The following MFSD12 variants were observed in gnomAD, a reference collection of about 807,000 sequenced individuals.
MFSD12 encodes major facilitator superfamily domain-containing protein 12.
In MFSD12, 67 loss-of-function variants were observed where a neutral mutation model predicts 51.2. The observed-to-expected ratio is 1.31, with a 90% CI of 1.08 to 1.60. MFSD12 has a LOEUF of 1.60. MFSD12 is among the 40% of genes most tolerant of loss of function. MFSD12 has a pLI of 0.00. For missense variants in MFSD12, 921 were observed against 673.0 expected (o/e 1.37, Z -4.08); for synonymous variants, 441 against 316.7 (o/e 1.39, Z -4.17).
rs964038914 is a variant in MFSD12, at chr19:3,545,991, C to T, written c.1289+83G>A. 6.9e-6 allele frequency: 10 copies of T among 1,454,396 alleles called. 1 individual carries two copies. The Admixed American group carries it at 8.4e-5, about 12-fold the overall frequency. The allele number at this position is 1,454,396 out of a possible 1,614,324, so 90.1% of individuals were successfully genotyped here. A position where few individuals can be genotyped will look rare whatever the true frequency, so the allele number is the denominator to read the frequency against. The stretch of plus-strand genomic sequence containing the variant: ...TTTGGTCCACAGCTGGATGCCCAGA[C>T]CCAGAACACTGCTGGACACACAGCA... On this transcript the variant is annotated intron_variant, in intron 8 of 9. Coordinates refer to ENST00000355415, the MANE Select transcript of MFSD12 (RefSeq NM_174983.5).
At chr19:3,544,013 G>A (rs764787534), downstream of MFSD12, 4 of 1,533,378 alleles carry the variant, frequency 2.6e-6, no homozygotes, top group Non-Finnish European at 3.5e-6. Context: ...CCCGATAAAG[G>A]CATGCTACCA....
At chr19:3,544,020 ACCAGGATGCAC>A, downstream of MFSD12, 1 of 1,525,798 alleles carries the variant, frequency 6.6e-7, no homozygotes, top group Non-Finnish European at 8.8e-7. Context: ...AAGGCATGCT[ACCAGGATGCAC>A]CCACTGTCTC....
downstream of MFSD12, chr19:3,544,039 C>G (rs1199742414): frequency 9.3e-6 from 14 of 1,506,528 alleles, no homozygotes; most frequent in Non-Finnish European, 1.3e-5. Flanking sequence ...CACCCACTGT[C>G]TCTGCACCCA....
Position 3,551,693 on chromosome 19 carries a change from G to C in MFSD12, c.299-499C>G, listed in dbSNP as rs1208954620. On this transcript the variant is annotated intron_variant, in intron 1 of 9. Coordinates refer to ENST00000355415, the MANE Select transcript of MFSD12 (RefSeq NM_174983.5). The surrounding 1 kb of genome is among the most constrained non-coding windows in gnomAD (Gnocchi z 4.6). ...TAGCACCCGCCCCCACCTGAGATCT[G>C]CGGTGGCAAGGCCTGGCTCTTCACA... is the stretch of plus-strand genomic sequence containing the variant. 6.6e-6 allele frequency among the ~76,000 whole-genome samples: 1 copy of C among 152,142 alleles called. No homozygotes were observed. Among genetic ancestry groups the C allele is most frequent in the East Asian group, 1.9e-4 (1 of 5,184 alleles).
At chr19:3,543,005 T>C, downstream of MFSD12, 1 of 1,599,432 alleles carries the variant, frequency 6.3e-7, no homozygotes, top group African/African-American at 1.3e-5. Context: ...TAGTGCTGAC[T>C]TGGGTGCTTG....
intron 1 of MFSD12, among the ~76,000 whole-genome samples, chr19:3,553,056 G>A (rs1250003962): frequency 6.6e-6 from 1 of 152,146 alleles, no homozygotes; most frequent in Admixed American, 6.5e-5. Context: ...ACTGGAATTG[G>A]GAAGTGAAAC....
At chr19:3,550,483 C>T (rs1372083744) in intron 2 of MFSD12, among the ~76,000 whole-genome samples, 1 of 152,076 alleles carries the variant, frequency 6.6e-6, no homozygotes, top group East Asian at 1.9e-4. Flanking sequence ...GCTCCACCTC[C>T]CGGGTTCACA....
In MFSD12 at chr19:3,551,627, G is replaced by A. The variant is rs1219556557; in HGVS notation, c.299-433C>T. ...TCAGCTCCTAAGGTGACCACTCCCTGGAATGCTGGGGCGTCCTGGCCTCCA... is the reference window on the plus strand; with the variant it reads ...TCAGCTCCTAAGGTGACCACTCCCTAGAATGCTGGGGCGTCCTGGCCTCCA... On this transcript the variant is annotated intron_variant, in intron 1 of 9. Transcript: ENST00000355415. This position sits in a 1 kb window ranked among gnomAD's most constrained non-coding sequence, Gnocchi z 4.6. Among the ~76,000 whole-genome samples, 1 of 152,122 alleles carries A rather than the reference G, an allele frequency of 6.6e-6. No homozygotes were observed. The highest frequency in any genetic ancestry group is 1.5e-5 in the Non-Finnish European group (1 of 68,006).
chr19:3,551,096 G>A lies in MFSD12; in HGVS notation c.397C>T (p.Pro133Ser), dbSNP rs897886054. Residue 133 changes from proline to serine, a missense_variant, in exon 2 of 10, where the codon CCG becomes TCG. Pro to Ser is a moderately conservative substitution (Grantham distance 74). Coordinates refer to ENST00000355415, the MANE Select transcript of MFSD12 (RefSeq NM_174983.5). The surrounding 1 kb of genome is among the most constrained non-coding windows in gnomAD (Gnocchi z 4.6). ...CCAAACTGGAAGATCACGATGAACG[G>A]GCCGTAGTAGAGGAGGGCAGCCCAC... Reference protein sequence around the residue: ...PEWAALLYYGPFIVIFQFGWA... With the variant: ...PEWAALLYYGSFIVIFQFGWA... 6 of 1,613,030 alleles carry A rather than the reference G, an allele frequency of 3.7e-6. No homozygotes were observed. Among genetic ancestry groups the A allele is most frequent in the Non-Finnish European group, 5.1e-6 (6 of 1,179,998 alleles).
At chr19:3,543,287 G>A, downstream of MFSD12, 1 of 1,548,294 alleles carries the variant, frequency 6.5e-7, no homozygotes, top group Non-Finnish European at 8.7e-7. Context: ...CATCAGGCAG[G>A]CCACACGCTG....
At position 3,544,945 on chromosome 19, in the gene MFSD12, G is replaced by A. The variant is rs372390192; in HGVS notation, c.1290-6C>T. 2.2e-5 allele frequency: 35 copies of A among 1,602,770 alleles called. No individual in the cohort carries two copies. The highest frequency in any genetic ancestry group is 3.0e-5 in the Non-Finnish European group (35 of 1,176,458). The stretch of plus-strand genomic sequence containing the variant: ...CCCTGCAGCAGAGCTCTGAGCTGTG[G>A]GAGGAGGCGGGGGATGAGTAGGCAC... On this transcript the variant is annotated splice_region_variant and splice_polypyrimidine_tract_variant and intron_variant, in intron 8 of 9. Coordinates refer to ENST00000355415, the MANE Select transcript of MFSD12 (RefSeq NM_174983.5).
chr19:3,552,237 G>A (rs1228285794), intron 1 of MFSD12, among the ~76,000 whole-genome samples: 15 of 148,010 alleles, frequency 1.0e-4, no homozygotes, highest in South Asian at 2.2e-4. Flanking sequence ...GCGAGATCTC[G>A]GCTCGCTGCA....
rs368048614 is a variant in MFSD12 at position 3,547,383 on chromosome 19, G to C, written c.931-19C>G. On this transcript the variant is annotated intron_variant, in intron 5 of 9. Coordinates refer to ENST00000355415, the MANE Select transcript of MFSD12 (RefSeq NM_174983.5). Reference sequence around the variant, plus strand: ...TGAACTTCTGCGGAGGCAGAGCCAGGCATGCCGTGTCAGTCATGGCTCGCC... The same window carrying C: ...TGAACTTCTGCGGAGGCAGAGCCAGCCATGCCGTGTCAGTCATGGCTCGCC... 4 of 1,612,790 alleles carry C rather than the reference G, an allele frequency of 2.5e-6. No homozygotes were observed. The highest frequency in any genetic ancestry group is 3.4e-6 in the Non-Finnish European group (4 of 1,179,562).
chr19:3,543,973 A>G, downstream of MFSD12: 1 of 1,549,310 alleles, frequency 6.5e-7, no homozygotes, highest in South Asian at 1.2e-5. Context: ...TCCACCTGCC[A>G]GCGGTCCCCG....
intron 6 of MFSD12, 21 bp downstream of exon 6, chr19:3,547,250 TC>T: frequency 1.2e-6 from 2 of 1,604,508 alleles, no homozygotes; most frequent in Non-Finnish European, 8.5e-7. Context: ...GCCCCAGCTG[TC>T]CCCGGTCCCC....
chr19:3,543,992 C>T, downstream of MFSD12: 1 of 1,544,602 alleles, frequency 6.5e-7, no homozygotes, highest in East Asian at 2.5e-5. Context: ...CGCCTTCCCT[C>T]ACACCCACTC....
chr19:3,544,086 G>C, downstream of MFSD12: 4 of 1,452,516 alleles, frequency 2.8e-6, no homozygotes, highest in Non-Finnish European at 3.7e-6. Context: ...GGGGACCAGA[G>C]GCTCGGGACA....
At chr19:3,545,567 TCCCTGGCTTCCTG>T (rs1024628517) in intron 8 of MFSD12, among the ~76,000 whole-genome samples, 4 of 152,216 alleles carry the variant, frequency 2.6e-5, no homozygotes, top group South Asian at 2.1e-4. Context: ...CAAGAAGCCC[TCCCTGGCTTCCTG>T]CCCTGGCTGT....
chr19:3,552,764 C>T (rs1390497877), intron 1 of MFSD12, among the ~76,000 whole-genome samples: 5 of 152,170 alleles, frequency 3.3e-5, no homozygotes, highest in African/African-American at 7.2e-5. Context: ...GGATTACAGA[C>T]TTGAGCCACC....
Sources: gnomAD v4.1 joint callset for allele counts (sites outside exome capture counted in the v4.1 genomes callset) on GRCh38, gnomAD v4.1.1 for gene constraint, Gnocchi (gnomAD v3.1) non-coding constraint, MANE v1.5 for transcripts, NCBI Gene and HGNC (gene_info 2026-07-23, HGNC 2026-07-21) for gene names.